The following CDH22 variants were observed in gnomAD, a reference collection of about 807,000 sequenced individuals.
The protein encoded by CDH22 is cadherin 22, also known as cadherin-22.
Under a neutral mutation model 58.4 loss-of-function variants are expected in CDH22, and 30 were observed. The observed-to-expected ratio is 0.51, with a 90% CI of 0.38 to 0.70. The LOEUF is 0.70. Among genes scored for constraint, CDH22 ranks in the 30% least tolerant of loss-of-function variants. The pLI is 0.00. For missense variants in CDH22, 1,014 were observed against 1,233.9 expected (o/e 0.82, Z 2.67); for synonymous variants, 513 against 558.2 (o/e 0.92, Z 1.14).
rs755575941 is a variant in CDH22, at chr20:46,216,776, G to A, written c.838+50C>T. 3 of 1,550,958 alleles carry A rather than the reference G, an allele frequency of 1.9e-6. No individual in the cohort carries two copies. In the South Asian group the frequency reaches 3.4e-5, roughly 18 times the overall value. ...GGGGTCAGCAGGTGGCTTGGATGGGGTAACAGACAGACACACAGACGCGCC... is the reference window on the plus strand; with the variant it reads ...GGGGTCAGCAGGTGGCTTGGATGGGATAACAGACAGACACACAGACGCGCC... On this transcript the variant is annotated intron_variant, in intron 5 of 11. Transcript: ENST00000537909. The surrounding 1 kb of genome is among the most constrained non-coding windows in gnomAD (Gnocchi z 5.3).
intron 1 of CDH22, among the ~76,000 whole-genome samples, chr20:46,262,542 G>A (rs998511908): frequency 2.0e-5 from 3 of 152,142 alleles, no homozygotes; most frequent in Admixed American, 6.5e-5. Flanking sequence ...CTCAGGCCTA[G>A]CGTTCATTCA....
At chr20:46,199,091 T>TTGCACGTA (rs1425436987) in intron 8 of CDH22, among the ~76,000 whole-genome samples, 2 of 152,290 alleles carry the variant, frequency 1.3e-5, no homozygotes, top group Non-Finnish European at 2.9e-5. Context: ...AAAACAGGGC[T>TTGCACGTA]TGCACGTAGC....
intron 1 of CDH22, among the ~76,000 whole-genome samples, chr20:46,266,311 G>A (rs556339823): frequency 6.6e-6 from 1 of 152,296 alleles, no homozygotes; most frequent in South Asian, 2.1e-4. Flanking sequence ...ATGCACAGCT[G>A]TGCAGGGAGA....
intron 8 of CDH22, among the ~76,000 whole-genome samples, chr20:46,195,814 G>A (rs983804621): frequency 1.1e-4 from 16 of 152,206 alleles, no homozygotes; most frequent in African/African-American, 3.6e-4. Context: ...GAGGGGAGCC[G>A]GCATACTAAG....
chr20:46,232,660 T>C (rs1379843135), intron 3 of CDH22, among the ~76,000 whole-genome samples: 1 of 152,190 alleles, frequency 6.6e-6, no homozygotes, highest in Non-Finnish European at 1.5e-5. Flanking sequence ...CTGCCAGCAC[T>C]GTGCAGAATG....
chr20:46,204,161 G>A (rs538848434), intron 7 of CDH22, among the ~76,000 whole-genome samples: 204 of 152,184 alleles, frequency 1.3e-3, no homozygotes, highest in Admixed American at 3.9e-3. Flanking sequence ...TTGGGAGGCT[G>A]AGGCGGGAGG....
intron 3 of CDH22, among the ~76,000 whole-genome samples, chr20:46,229,029 C>A (rs1162193215): frequency 6.6e-6 from 1 of 152,212 alleles, no homozygotes; most frequent in African/African-American, 2.4e-5. Context: ...AACGTCCCTG[C>A]AATGCGCCTC....
rs565708602 is a variant in CDH22 at position 46,254,573 on chromosome 20, A to G, written c.-399-2880T>C. On this transcript the variant is annotated intron_variant, in intron 1 of 11. Coordinates refer to ENST00000537909, the MANE Select transcript of CDH22 (RefSeq NM_021248.3). ...CCATCTCAAAAAAAAAAAAAAAAAA[A>G]AAATTGAAGTCCTGGCCCTCATGGA... Among the ~76,000 whole-genome samples, 59 of 151,922 alleles carry G rather than the reference A, an allele frequency of 3.9e-4. 2 individuals carry two copies. The South Asian group carries it at 0.012, about 31-fold the overall frequency.
At chr20:46,239,696 G>A (rs183511677) in intron 3 of CDH22, among the ~76,000 whole-genome samples, 2 of 152,250 alleles carry the variant, frequency 1.3e-5, no homozygotes, top group African/African-American at 4.8e-5. Context: ...TAGGGCAGCT[G>A]CTTCTTGTCT....
At chr20:46,226,231 C>CCTTCCTCTTCTTCTT (rs2086170110) in intron 4 of CDH22, among the ~76,000 whole-genome samples, 1 of 86,540 alleles carries the variant, frequency 1.2e-5, no homozygotes, top group Admixed American at 1.1e-4. Flanking sequence ...TCTGGCAACA[C>CCTTCCTCTTCTTCTT]CTTCTTCTTC....
chr20:46,177,865 ATGGGGGCTGGT>A, intron 11 of CDH22, 70 bp downstream of exon 11: 2 of 1,542,340 alleles, frequency 1.3e-6, no homozygotes, highest in East Asian at 4.5e-5. Flanking sequence ...CTGAGGCCCC[ATGGGGGCTGGT>A]TAGGAAGGAA....
rs982410315 is a variant in CDH22 at position 46,174,939 on chromosome 20, A to G, written c.2054T>C (p.Met685Thr). ...GGEQDTEAYD[M>T]SALRSLYDFG... ...GTCGTAGAGGCTCCGCAGCGCCGAC[A>G]TGTCGTAGGCTTCGGTGTCCTGCTC... Residue 685 changes from methionine (M) to threonine (T), a missense_variant, in exon 12 of 12, where the codon ATG becomes ACG. Physicochemically the swap from Met to Thr is moderately conservative, Grantham distance 81 (BLOSUM62 -1). Transcript: ENST00000537909. The surrounding 1 kb of genome is among the most constrained non-coding windows in gnomAD (Gnocchi z 4.4). The G allele has an allele frequency of 1.3e-6, 2 of 1,555,046 alleles. No individual in the cohort carries two copies. The highest frequency in any genetic ancestry group is 1.7e-6 in the Non-Finnish European group (2 of 1,153,112).
At position 46,174,606 on chromosome 20, in the gene CDH22, T is replaced by G; in HGVS notation, c.2387A>C (p.Glu796Ala). 1.3e-6 allele frequency: 2 copies of G among 1,537,822 alleles called. No homozygotes were observed. The highest frequency in any genetic ancestry group is 1.7e-6 in the Non-Finnish European group (2 of 1,146,784). The change falls in exon 12 of 12, where the codon GAG becomes GCG. Residue 796 changes from glutamate (E) to alanine (A), a missense_variant. Physicochemically the swap from Glu to Ala is moderately radical, Grantham distance 107. Around this residue, in one of 2 missense-constraint regions of CDH22, gnomAD observed 208 missense variants for 195.2 expected, o/e 1.07. Coordinates refer to ENST00000537909, the MANE Select transcript of CDH22 (RefSeq NM_021248.3). The surrounding 1 kb of genome is among the most constrained non-coding windows in gnomAD (Gnocchi z 4.4). ...SSLHSGSSGS[E>A]QDFAYLSSWG... ...GCTGCTGAGATAGGCGAAGTCCTGC[T>G]CGGAGCCCGACGAGCCGCTGTGCAG...
rs2086087993 is a variant in CDH22, at chr20:46,216,771, A to G, written c.838+55T>C. 1 of 1,523,978 alleles carries G rather than the reference A, an allele frequency of 6.6e-7. No individual in the cohort carries two copies. Among genetic ancestry groups the G allele is most frequent in the Non-Finnish European group, 9.0e-7 (1 of 1,110,600 alleles). 94.4% of individuals were successfully genotyped at this position (1,523,978 alleles called of 1,614,324 possible). A position where few individuals can be genotyped will look rare whatever the true frequency, so the allele number is the denominator to read the frequency against. The stretch of plus-strand genomic sequence containing the variant: ...AAGCTGGGGTCAGCAGGTGGCTTGG[A>G]TGGGGTAACAGACAGACACACAGAC... On this transcript the variant is annotated intron_variant, in intron 5 of 11. Coordinates refer to ENST00000537909, the MANE Select transcript of CDH22 (RefSeq NM_021248.3). This position sits in a 1 kb window ranked among gnomAD's most constrained non-coding sequence, Gnocchi z 5.3.
chr20:46,178,166 C>G lies in CDH22; in HGVS notation c.1695G>C (p.Val565=), dbSNP rs777600515. The part of the protein sequence containing the change: ...DNTAAVHTQH[V]GFNRQEQDVF... ...CGTCCTGCTCCTGCCGGTTGAAGCC[C>G]ACGTGCTGCGTGTGCACTGCAGCGG... is the stretch of plus-strand genomic sequence containing the variant. The change falls in exon 11 of 12, where the codon GTG becomes GTC. Residue 565 remains valine (V), a synonymous_variant. Coordinates refer to ENST00000537909, the MANE Select transcript of CDH22 (RefSeq NM_021248.3). 6.2e-7 allele frequency: 1 copy of G among 1,613,926 alleles called. No homozygotes were observed. The highest frequency in any genetic ancestry group is 1.7e-5 in the Admixed American group (1 of 60,004).
rs925800641 is a variant in CDH22, at chr20:46,179,022, C to T, written c.1664-825G>A. Among the ~76,000 whole-genome samples, 11 of 152,318 alleles carry T rather than the reference C, an allele frequency of 7.2e-5. 1 individual carries two copies. The South Asian group carries it at 1.0e-3, about 14-fold the overall frequency. On this transcript the variant is annotated intron_variant, in intron 10 of 11. Transcript: ENST00000537909. ...CTGTCACCGGGGAAGCCAGGCAGGACGCAGGGGGATGGTGGCTGGCCTTGG... is the reference window on the plus strand; with the variant it reads ...CTGTCACCGGGGAAGCCAGGCAGGATGCAGGGGGATGGTGGCTGGCCTTGG...
chr20:46,249,557 ATC>A (rs2086355171), intron 2 of CDH22, among the ~76,000 whole-genome samples: 2 of 152,178 alleles, frequency 1.3e-5, no homozygotes, highest in Non-Finnish European at 2.9e-5. Context: ...AAAGGTTTAC[ATC>A]TAGATTTTCC....
intron 2 of CDH22, among the ~76,000 whole-genome samples, chr20:46,248,082 G>C (rs2086343589): frequency 6.6e-6 from 1 of 152,222 alleles, no homozygotes; most frequent in Non-Finnish European, 1.5e-5. Context: ...GGTTGGTTCT[G>C]CAACTATGTT....
chr20:46,305,017 A>G (rs2086668024), intron 1 of CDH22, among the ~76,000 whole-genome samples: 1 of 152,232 alleles, frequency 6.6e-6, no homozygotes, highest in Admixed American at 6.5e-5. Context: ...GCCCTTGGAC[A>G]GTCAACAACC....
Sources: gnomAD v4.1 joint callset for allele counts (sites outside exome capture counted in the v4.1 genomes callset) on GRCh38, gnomAD v4.1.1 for gene constraint, gnomAD v4.1.1 regional missense constraint, Gnocchi (gnomAD v3.1) non-coding constraint, MANE v1.5 for transcripts, NCBI Gene and HGNC (gene_info 2026-07-23, HGNC 2026-07-21) for gene names.